The following ZNF292 variants were observed in gnomAD, a reference collection of about 807,000 sequenced individuals.
ZNF292 encodes the protein zinc finger protein 292, also known as 16 zinc-finger domain protein.
A neutral mutation model predicts 217.9 loss-of-function variants in ZNF292; 26 were observed. The observed-to-expected ratio is 0.12, with a 90% confidence interval of 0.09 to 0.17. The LOEUF (loss-of-function observed/expected upper bound fraction) is 0.17. ZNF292 is among the 10% of genes least tolerant of loss of function. The probability of loss-of-function intolerance (pLI) is 1.00; values close to 1 mark genes in which losing one functional copy is unlikely to be tolerated. For missense variants in ZNF292, 2,904 were observed against 3,175.2 expected, an observed-to-expected ratio of 0.91 and a Z score of 2.05; for synonymous variants, 1,257 against 1,124.1, an observed-to-expected ratio of 1.12 and a Z score of -2.37.
intron 1 of ZNF292, among the ~76,000 whole-genome samples, chr6:87,209,726 T>A (rs144597251): frequency 3.3e-3 from 496 of 152,346 alleles, no homozygotes; most frequent in Non-Finnish European, 5.3e-3. Context: ...AAAAATATCT[T>A]ATTTATGGTA....
intron 6 of ZNF292, among the ~76,000 whole-genome samples, chr6:87,243,919 T>C (rs58327183): frequency 0.082 from 12,430 of 152,222 alleles, 862 homozygotes; most frequent in African/African-American, 0.19. Context: ...TTTTTAGATA[T>C]GTAAGCAATA....
intron 7 of ZNF292, among the ~76,000 whole-genome samples, chr6:87,252,828 A>G (rs993279123): frequency 1.4e-4 from 21 of 152,328 alleles, no homozygotes; most frequent in Non-Finnish European, 2.1e-4. Context: ...TATAACATAT[A>G]CAAGTTTATA....
At position 87,252,160 on chromosome 6, in the gene ZNF292, G is replaced by GT. The variant is rs540438180; in HGVS notation, c.1021-2482dup. 7.5e-4 allele frequency among the ~76,000 whole-genome samples: 112 copies of GT among 150,162 alleles called. 1 individual carries two copies. Among genetic ancestry groups the GT allele is most frequent in the Non-Finnish European group, 1.3e-3 (89 of 67,500 alleles). ...TGTTTGTTTTTTTTTTGTTTTTTGTGTTTTTTTTGAGACGTTGTTTTGCTC... is the reference window on the plus strand; with the variant it reads ...TGTTTGTTTTTTTTTTGTTTTTTGTGTTTTTTTTTGAGACGTTGTTTTGCTC... On this transcript the variant is annotated intron_variant, in intron 7 of 7. Coordinates refer to ENST00000369577, the MANE Select transcript of ZNF292 (RefSeq NM_015021.3).
intron 1 of ZNF292, among the ~76,000 whole-genome samples, chr6:87,177,975 T>C (rs548241222): frequency 9.8e-5 from 15 of 152,358 alleles, no homozygotes; most frequent in African/African-American, 3.1e-4. Flanking sequence ...TTGTAGTCTG[T>C]TCTTATACTA....
intron 1 of ZNF292, among the ~76,000 whole-genome samples, chr6:87,213,381 A>G (rs1368551064): frequency 1.3e-5 from 2 of 152,226 alleles, no homozygotes; most frequent in Non-Finnish European, 2.9e-5. Context: ...AGATGGAACA[A>G]TGGTGAGACC....
At chr6:87,187,695 A>G (rs1468022192) in intron 1 of ZNF292, among the ~76,000 whole-genome samples, 1 of 143,440 alleles carries the variant, frequency 7.0e-6, no homozygotes, top group Non-Finnish European at 1.5e-5. Context: ...ACCTTGGGCA[A>G]CAGAGTGGGA....
At position 87,215,031 on chromosome 6, in the gene ZNF292, A is replaced by G. The variant is rs1374754762; in HGVS notation, c.169-872A>G. On this transcript the variant is annotated intron_variant, in intron 1 of 7. Transcript: ENST00000369577. ...ACCTGAATTTCCATATGTTTGATTA[A>G]ATGAGTCTTAAACCCTGAAGTGTGG... The G allele has an allele frequency of 2.0e-5, 3 of 152,198 alleles. No homozygotes were observed. In the East Asian group the frequency reaches 5.8e-4, roughly 29 times the overall value. The allele number at this position is 152,198 out of a possible 1,614,324, so 9.4% of individuals were successfully genotyped here.
intron 3 of ZNF292, among the ~76,000 whole-genome samples, chr6:87,218,222 C>G (rs774821182): frequency 2.6e-5 from 4 of 152,096 alleles, no homozygotes; most frequent in Non-Finnish European, 5.9e-5. Flanking sequence ...TTATGCAAAT[C>G]TTTTTATTAA....
At chr6:87,253,549 T>TA (rs1775046954) in intron 7 of ZNF292, among the ~76,000 whole-genome samples, 2 of 152,092 alleles carry the variant, frequency 1.3e-5, no homozygotes, top group Non-Finnish European at 2.9e-5. Context: ...ATTTTAAAAA[T>TA]ACGTCTCTTC....
At position 87,195,436 on chromosome 6, in the gene ZNF292, G is replaced by A. The variant is rs536288004; in HGVS notation, c.169-20467G>A. Among the ~76,000 whole-genome samples the A allele has an allele frequency of 8.0e-4, 122 of 152,284 alleles. 1 individual carries two copies. Among genetic ancestry groups the A allele is most frequent in the African/African-American group, 1.6e-3 (68 of 41,566 alleles). ...GGCTGTCCAAAGATAAAAATGGACC[G>A]TCCTATCACATACAAAATTGTTTTT... On this transcript the variant is annotated intron_variant, in intron 1 of 7. Coordinates refer to ENST00000369577, the MANE Select transcript of ZNF292 (RefSeq NM_015021.3).
intron 1 of ZNF292, 35 bp downstream of exon 1, chr6:87,155,794 C>T (rs760873704): frequency 2.6e-6 from 4 of 1,550,106 alleles, no homozygotes; most frequent in South Asian, 1.2e-5. Context: ...CCCCTTTCCC[C>T]AGCTAGAGGG....
At position 87,190,600 on chromosome 6, in the gene ZNF292, C is replaced by A. The variant is rs546672888; in HGVS notation, c.169-25303C>A. ...GTGATTCTCCTGCCTCAGCCTCTTG[C>A]GTAGCTGGGACTACAGGTGCGTGCC... is the stretch of plus-strand genomic sequence containing the variant. On this transcript the variant is annotated intron_variant, in intron 1 of 7. Transcript: ENST00000369577. Among the ~76,000 whole-genome samples, 10 of 152,044 alleles carry A rather than the reference C, an allele frequency of 6.6e-5. No individual in the cohort carries two copies. The South Asian group carries it at 1.7e-3, about 25-fold the overall frequency.
intron 5 of ZNF292, among the ~76,000 whole-genome samples, chr6:87,239,344 G>A (rs1007931997): frequency 6.7e-5 from 10 of 149,620 alleles, no homozygotes; most frequent in Admixed American, 4.0e-4. Flanking sequence ...CTGGCCAGGC[G>A]GGGGCTGCCC....
At chr6:87,215,772 A>G (rs1381497046) in intron 1 of ZNF292, 131 bp from the exon 2 acceptor site, 9 of 632,638 alleles carry the variant, frequency 1.4e-5, no homozygotes, top group South Asian at 5.0e-5. Context: ...ATTTTAATCA[A>G]TATAAACTAC....
intron 7 of ZNF292, among the ~76,000 whole-genome samples, chr6:87,249,918 C>T (rs1023929514): frequency 4.6e-5 from 7 of 151,582 alleles, no homozygotes; most frequent in African/African-American, 1.7e-4. Flanking sequence ...CTATGTTTGC[C>T]AGGCTGGTCT....
chr6:87,199,999 T>TCCC (rs1772061081), intron 1 of ZNF292, among the ~76,000 whole-genome samples: 1 of 152,330 alleles, frequency 6.6e-6, no homozygotes, highest in East Asian at 1.9e-4. Flanking sequence ...TTCTGGCTTA[T>TCCC]CCCCAGCAAG....
intron 7 of ZNF292, among the ~76,000 whole-genome samples, chr6:87,247,397 T>C (rs1774660114): frequency 6.6e-6 from 1 of 152,002 alleles, no homozygotes; most frequent in South Asian, 2.1e-4. Flanking sequence ...GTCTAACACA[T>C]ATGGATGGTA....
chr6:87,242,732 G>A (rs1774357149), intron 5 of ZNF292, among the ~76,000 whole-genome samples: 1 of 152,058 alleles, frequency 6.6e-6, no homozygotes, highest in Non-Finnish European at 1.5e-5. Context: ...GCAATCACAG[G>A]TAAAGTCTGT....
intron 1 of ZNF292, chr6:87,173,231 C>G (rs778985632): frequency 6.6e-6 from 1 of 151,764 alleles, no homozygotes; most frequent in East Asian, 1.9e-4. Context: ...AACTCCTTAT[C>G]AAGTGTTCCC....
Sources: gnomAD v4.1 joint callset for allele counts (sites outside exome capture counted in the v4.1 genomes callset) on GRCh38, gnomAD v4.1.1 for gene constraint, MANE v1.5 for transcripts, NCBI Gene and HGNC (gene_info 2026-07-23, HGNC 2026-07-21) for gene names.